The following KIAA1217 variants were observed in gnomAD, a reference collection of about 807,000 sequenced individuals.
KIAA1217 encodes sickle tail protein homolog.
Under a neutral mutation model 163.9 loss-of-function variants are expected in KIAA1217, and 88 were observed. The observed-to-expected ratio is 0.54, with a 90% CI of 0.45 to 0.64. The LOEUF (loss-of-function observed/expected upper bound fraction) is 0.64, where lower values mean the gene tolerates loss of function less well. Among genes scored for constraint, KIAA1217 ranks in the 30% least tolerant of loss-of-function variants. The probability of loss-of-function intolerance (pLI) is 0.00; values close to 1 mark genes in which losing one functional copy is unlikely to be tolerated. For missense variants in KIAA1217, 2,372 were observed against 2,475.0 expected, an observed-to-expected ratio of 0.96 and a Z score of 0.88; for synonymous variants, 903 against 923.1, an observed-to-expected ratio of 0.98 and a Z score of 0.39.
chr10:24,130,757 G>T (rs2063623961), intron 2 of KIAA1217, among the ~76,000 whole-genome samples: 2 of 152,098 alleles, frequency 1.3e-5, no homozygotes, highest in Non-Finnish European at 2.9e-5. Flanking sequence ...AATTTACTGT[G>T]ATTGGAATAT....
intron 1 of KIAA1217, among the ~76,000 whole-genome samples, chr10:23,913,341 G>A (rs17576460): frequency 0.33 from 49,564 of 151,794 alleles, 8,461 homozygotes; most frequent in Middle Eastern, 0.43. Context: ...CAATAAAGGC[G>A]ACAAAGGCTA....
chr10:23,928,140 T>C (rs1843106363), intron 1 of KIAA1217, among the ~76,000 whole-genome samples: 2 of 152,232 alleles, frequency 1.3e-5, no homozygotes, highest in African/African-American at 4.8e-5. Flanking sequence ...CAGTCCCTCT[T>C]TGAGACATTG....
intron 2 of KIAA1217, among the ~76,000 whole-genome samples, chr10:24,198,093 A>G (rs1236134930): frequency 6.6e-6 from 1 of 152,210 alleles, no homozygotes; most frequent in East Asian, 1.9e-4. Context: ...TCCTTGGTAA[A>G]CCAGGTAACC....
At chr10:24,411,214 GT>G (rs566378374) in intron 3 of KIAA1217, among the ~76,000 whole-genome samples, 4 of 151,466 alleles carry the variant, frequency 2.6e-5, no homozygotes, top group South Asian at 2.1e-4. Context: ...AGTTGGACAG[GT>G]TTTTTTTTAA....
At chr10:24,255,526 G>C in intron 2 of KIAA1217, 1 of 455,814 alleles carries the variant, frequency 2.2e-6, no homozygotes, top group Non-Finnish European at 4.4e-6. Context: ...TCTGTAGAAG[G>C]GCCAAAGAAG....
At chr10:24,156,972 T>G (rs568125898) in intron 2 of KIAA1217, among the ~76,000 whole-genome samples, 1 of 152,338 alleles carries the variant, frequency 6.6e-6, no homozygotes, top group Non-Finnish European at 1.5e-5. Context: ...TTAACATACC[T>G]GATTAAAGTA....
rs1051545697 is a variant in KIAA1217, at chr10:23,849,779, C to A, written c.-321+154545C>A. On this transcript the variant is annotated intron_variant, in intron 1 of 18. Transcript: ENST00000376462. ...CTACTTTCCCTCTCATTCCCTAGAA[C>A]TGGTCAAAAGACTTTCTGTTCTAAC... 7.2e-5 allele frequency among the ~76,000 whole-genome samples: 11 copies of A among 152,138 alleles called. 1 individual carries two copies. Among genetic ancestry groups the A allele is most frequent in the Admixed American group, 7.2e-4 (11 of 15,244 alleles).
intron 1 of KIAA1217, among the ~76,000 whole-genome samples, chr10:24,210,606 G>T (rs1259438506): frequency 6.6e-6 from 1 of 152,062 alleles, no homozygotes; most frequent in Non-Finnish European, 1.5e-5. Context: ...CCAACAATCA[G>T]GGCAATTCAG....
chr10:24,372,918 C>G (rs1246547272), intron 2 of KIAA1217, among the ~76,000 whole-genome samples: 1 of 152,190 alleles, frequency 6.6e-6, no homozygotes, highest in Non-Finnish European at 1.5e-5. Context: ...TACCACTTTT[C>G]TTAATTTTCC....
chr10:24,012,293 G>T (rs1317066897), intron 2 of KIAA1217, among the ~76,000 whole-genome samples: 1 of 152,050 alleles, frequency 6.6e-6, no homozygotes, highest in Non-Finnish European at 1.5e-5. Context: ...ACCAAGCCAG[G>T]TAAACCTAGG....
chr10:24,402,640 C>T (rs1334635622), intron 3 of KIAA1217, among the ~76,000 whole-genome samples: 2 of 151,358 alleles, frequency 1.3e-5, no homozygotes, highest in African/African-American at 4.9e-5. Flanking sequence ...AGAGCTACAA[C>T]AATCAGGACT....
intron 1 of KIAA1217, among the ~76,000 whole-genome samples, chr10:23,790,638 TGTATAC>T (rs1835888778): frequency 1.4e-5 from 2 of 139,852 alleles, no homozygotes; most frequent in African/African-American, 5.7e-5. Flanking sequence ...TATATGTACA[TGTATAC>T]ATATGTGTAT....
At chr10:23,860,534 TAAA>T (rs1348222480) in intron 1 of KIAA1217, among the ~76,000 whole-genome samples, 1 of 152,214 alleles carries the variant, frequency 6.6e-6, no homozygotes, top group Admixed American at 6.5e-5. Context: ...ATAAATAGGT[TAAA>T]AAACAGACTT....
At chr10:24,494,905 G>C in intron 7 of KIAA1217, 1 of 579,304 alleles carries the variant, frequency 1.7e-6, no homozygotes, top group Non-Finnish European at 3.0e-6. Context: ...CCACCCTTGC[G>C]TGTCCACGTC....
chr10:24,312,579 A>G (rs2042847272), intron 2 of KIAA1217, among the ~76,000 whole-genome samples: 1 of 152,162 alleles, frequency 6.6e-6, no homozygotes, highest in Non-Finnish European at 1.5e-5. Context: ...GGATTGTGCC[A>G]CTGCACTCCA....
At chr10:23,790,204 T>TAG (rs1835716961) in intron 1 of KIAA1217, among the ~76,000 whole-genome samples, 1 of 7,840 alleles carries the variant, frequency 1.3e-4, no homozygotes, top group Non-Finnish European at 3.5e-4. Flanking sequence ...CATATGCATA[T>TAG]ACACATATAC....
chr10:24,115,258 G>A (rs759031015), intron 2 of KIAA1217, among the ~76,000 whole-genome samples: 30 of 152,312 alleles, frequency 2.0e-4, no homozygotes, highest in Non-Finnish European at 3.5e-4. Flanking sequence ...AGCTGTTACT[G>A]ACAGATTGGT....
intron 1 of KIAA1217, among the ~76,000 whole-genome samples, chr10:23,789,750 A>G (rs563015099): frequency 6.6e-6 from 1 of 151,912 alleles, no homozygotes; most frequent in Non-Finnish European, 1.5e-5. Context: ...AACTTTGGTT[A>G]TAAGTATGGA....
In KIAA1217 at chr10:23,971,929, T is replaced by A. The variant is rs146902291; in HGVS notation, c.-320-35296T>A. Among the ~76,000 whole-genome samples, 182 of 152,344 alleles carry A rather than the reference T, an allele frequency of 1.2e-3. 2 individuals carry two copies. The highest frequency in any genetic ancestry group is 4.0e-3 in the African/African-American group (165 of 41,588). ...TCTTAACCCAGACACTCTCTTGTAT[T>A]GATTCCAGGTCTTTAATCAGAAAAT... On this transcript the variant is annotated intron_variant, in intron 1 of 18. Transcript: ENST00000376462.
Sources: gnomAD v4.1 joint callset for allele counts (sites outside exome capture counted in the v4.1 genomes callset) on GRCh38, gnomAD v4.1.1 for gene constraint, MANE v1.5 for transcripts, NCBI Gene and HGNC (gene_info 2026-07-23, HGNC 2026-07-21) for gene names.